PPIG: variants seen among roughly 807,000 people sequenced by gnomAD.
PPIG encodes the protein peptidyl-prolyl cis-trans isomerase G.
In PPIG, 26 loss-of-function variants were observed where a neutral mutation model predicts 87.9. The observed-to-expected ratio is 0.30, with a 90% confidence interval of 0.22 to 0.41. The LOEUF (loss-of-function observed/expected upper bound fraction) is 0.41, where lower values mean the gene tolerates loss of function less well. Ranked by LOEUF, PPIG falls within the 10% of genes least tolerant of loss-of-function variation. The probability of loss-of-function intolerance (pLI) is 1.00; values close to 1 mark genes in which losing one functional copy is unlikely to be tolerated. For synonymous variants in PPIG, 308 were observed against 276.5 expected, an observed-to-expected ratio of 1.11 and a Z score of -1.13; for missense variants, 722 against 879.4, an observed-to-expected ratio of 0.82 and a Z score of 2.26.
At position 169,608,755 on chromosome 2, in the gene PPIG, TC is replaced by T; in HGVS notation, c.375del (p.Phe125LeufsTer2). The T allele has an allele frequency of 6.3e-7, 1 of 1,589,014 alleles. No homozygotes were observed. Among genetic ancestry groups the T allele is most frequent in the Non-Finnish European group, 8.6e-7 (1 of 1,158,350 alleles). On this transcript the variant is annotated frameshift_variant and splice_region_variant, in exon 7 of 14. Coordinates refer to ENST00000260970, the MANE Select transcript of PPIG (RefSeq NM_004792.3). LOFTEE classifies it high-confidence loss of function. ...RGKDTNGSQF[F>X]ITTKPTPHLD... ...AAGGATACAAATGGTTCACAGTTCT[TC>T]ATGTAAGTATTTATTATCTGATGAT...
At chr2:169,600,789 C>T (rs2248702) in intron 1 of PPIG, among the ~76,000 whole-genome samples, 61,326 of 151,954 alleles carry the variant, frequency 0.4, 13,011 homozygotes, top group East Asian at 0.58. Context: ...AAATAAAAAT[C>T]ACCTATAACT....
At chr2:169,624,734 C>T (rs988783285) in intron 9 of PPIG, among the ~76,000 whole-genome samples, 1 of 151,922 alleles carries the variant, frequency 6.6e-6, no homozygotes, top group African/African-American at 2.4e-5. Flanking sequence ...ACTACAGGCG[C>T]CCACCACCAC....
At chr2:169,622,105 T>A (rs142512392) in intron 9 of PPIG, among the ~76,000 whole-genome samples, 1 of 151,992 alleles carries the variant, frequency 6.6e-6, no homozygotes, top group African/African-American at 2.4e-5. Context: ...GTGGTTTATA[T>A]GTTCAGAAAG....
intron 1 of PPIG, among the ~76,000 whole-genome samples, chr2:169,593,558 TC>T (rs1326456328): frequency 6.6e-6 from 1 of 152,120 alleles, no homozygotes; most frequent in Admixed American, 6.5e-5. Flanking sequence ...TTCCTTTCAC[TC>T]TTTTTTTGTC....
Position 169,588,536 on chromosome 2 carries a change from A to T in PPIG, c.-70+4046A>T, listed in dbSNP as rs77423010. On this transcript the variant is annotated intron_variant, in intron 1 of 13. Coordinates refer to ENST00000260970, the MANE Select transcript of PPIG (RefSeq NM_004792.3). ...GTTCCTTGAAACTCCAAATGTTCTT[A>T]TTTTTTTACGTAGGAATTACTGGAT... Among the ~76,000 whole-genome samples, 17 of 152,214 alleles carry T rather than the reference A, an allele frequency of 1.1e-4. No individual in the cohort carries two copies. The East Asian group carries it at 3.1e-3, about 28-fold the overall frequency.
At chr2:169,596,559 ACACT>A (rs920189365) in intron 1 of PPIG, among the ~76,000 whole-genome samples, 22 of 152,286 alleles carry the variant, frequency 1.4e-4, no homozygotes, top group East Asian at 5.8e-4. Context: ...CTTTCTTGTA[ACACT>A]CAGCAGCCTG....
At chr2:169,621,014 A>G (rs576310767) in intron 9 of PPIG, among the ~76,000 whole-genome samples, 34 of 152,262 alleles carry the variant, frequency 2.2e-4, no homozygotes, top group African/African-American at 7.5e-4. Context: ...CCTATTTTAC[A>G]GACAAAGATA....
At chr2:169,606,265 G>A in intron 5 of PPIG, 119 bp downstream of exon 5, 2 of 782,416 alleles carry the variant, frequency 2.6e-6, no homozygotes, top group Non-Finnish European at 4.3e-6. Context: ...TTAATCTTTG[G>A]TCAATTAGAA....
At chr2:169,590,158 G>A (rs75844599) in intron 1 of PPIG, among the ~76,000 whole-genome samples, 3,460 of 151,298 alleles carry the variant, frequency 0.023, 126 homozygotes, top group African/African-American at 0.079. Flanking sequence ...AAAAGAAAAA[G>A]GAAGCAAGCA....
rs745313575 is a variant in PPIG at position 169,614,061 on chromosome 2, C to T, written c.378-403C>T. On this transcript the variant is annotated intron_variant, in intron 7 of 13. Transcript: ENST00000260970. ...TGTTTAAAATGTTAAGATTGAAAAG[C>T]ATTATTGTTAAACTCAAACACTGGT... Among the ~76,000 whole-genome samples, 77 of 152,164 alleles carry T rather than the reference C, an allele frequency of 5.1e-4. 1 individual carries two copies. The highest frequency in any genetic ancestry group is 8.5e-4 in the Non-Finnish European group (58 of 68,016).
intron 7 of PPIG, 85 bp downstream of exon 7, chr2:169,608,843 G>T (rs541296470): frequency 2.3e-6 from 2 of 873,128 alleles, no homozygotes; most frequent in South Asian, 1.4e-5. Context: ...AGGACTTTGG[G>T]AGGCTGAGGC....
rs1316157418 is a variant in PPIG at position 169,623,439 on chromosome 2, T to G, written c.548-7335T>G. ...TCCCACAAGCTTAGCGTACCAATAA[T>G]GAAACTAAGAGATGAGAGGATTGCT... On this transcript the variant is annotated intron_variant, in intron 9 of 13. Coordinates refer to ENST00000260970, the MANE Select transcript of PPIG (RefSeq NM_004792.3). Among the ~76,000 whole-genome samples, 3 of 152,230 alleles carry G rather than the reference T, an allele frequency of 2.0e-5. No homozygotes were observed. The East Asian group carries it at 5.8e-4, about 29-fold the overall frequency.
intron 1 of PPIG, among the ~76,000 whole-genome samples, chr2:169,599,444 T>C (rs1685113560): frequency 6.6e-6 from 1 of 152,192 alleles, no homozygotes; most frequent in Non-Finnish European, 1.5e-5. Flanking sequence ...GACATTTAAG[T>C]TGTTTGTGCT....
At chr2:169,622,135 G>GT (rs1028498998) in intron 9 of PPIG, among the ~76,000 whole-genome samples, 12 of 151,926 alleles carry the variant, frequency 7.9e-5, no homozygotes, top group African/African-American at 2.9e-4. Context: ...TAATAAAAGA[G>GT]TTTTTGGCCA....
chr2:169,602,729 T>C (rs1477510595), intron 1 of PPIG, among the ~76,000 whole-genome samples: 1 of 152,190 alleles, frequency 6.6e-6, no homozygotes, highest in Non-Finnish European at 1.5e-5. Context: ...GCTAAAACTT[T>C]TCAGATGAAT....
At chr2:169,592,884 T>C (rs1684907200) in intron 1 of PPIG, among the ~76,000 whole-genome samples, 2 of 152,210 alleles carry the variant, frequency 1.3e-5, no homozygotes, top group African/African-American at 4.8e-5. Context: ...CCATCTTTTG[T>C]TGTCACCATT....
intron 1 of PPIG, among the ~76,000 whole-genome samples, chr2:169,600,350 C>A (rs1559177192): frequency 6.6e-6 from 1 of 152,212 alleles, no homozygotes; most frequent in Non-Finnish European, 1.5e-5. Context: ...GCCGGGATTA[C>A]AGGTGTGAGC....
intron 1 of PPIG, among the ~76,000 whole-genome samples, chr2:169,593,925 G>A (rs1684942765): frequency 6.6e-6 from 1 of 151,492 alleles, no homozygotes; most frequent in Non-Finnish European, 1.5e-5. Context: ...AAAGTGCTGC[G>A]ATTACAGGTG....
intron 1 of PPIG, among the ~76,000 whole-genome samples, chr2:169,585,443 A>T (rs370893647): frequency 6.6e-6 from 1 of 151,612 alleles, no homozygotes; most frequent in South Asian, 2.1e-4. Context: ...TTGTGTTTTT[A>T]GTAGAGACGG....
Sources: gnomAD v4.1 joint callset for allele counts (sites outside exome capture counted in the v4.1 genomes callset) on GRCh38, gnomAD v4.1.1 for gene constraint, MANE v1.5 for transcripts, NCBI Gene and HGNC (gene_info 2026-07-23, HGNC 2026-07-21) for gene names.